FAM200B: variants seen among roughly 807,000 people sequenced by gnomAD.
FAM200B encodes the protein protein FAM200B.
In FAM200B, 32 loss-of-function variants were observed where a neutral mutation model predicts 33.1. That is an observed-to-expected ratio of 0.97 (90% CI 0.73 to 1.30). The LOEUF is 1.30. Among genes scored for constraint, FAM200B ranks in the 50% most tolerant of loss-of-function variants. FAM200B has a pLI of 0.00. For missense variants in FAM200B, 741 were observed against 754.0 expected (o/e 0.98, Z 0.20); for synonymous variants, 240 against 264.8 (o/e 0.91, Z 0.91).
chr4:15,679,298 C>T (rs918987449), upstream of FAM200B, among the ~76,000 whole-genome samples: 9 of 152,000 alleles, frequency 5.9e-5, no homozygotes, highest in Non-Finnish European at 8.8e-5. Flanking sequence ...ATGATCCACC[C>T]GCTTCGGCCT....
the FAM200B span, among the ~76,000 whole-genome samples, chr4:15,638,154 G>C: frequency 6.6e-6 from 1 of 152,138 alleles, no homozygotes; most frequent in Non-Finnish European, 1.5e-5. Flanking sequence ...GGATGATATC[G>C]CAAAAGTGCT....
At chr4:15,643,267 T>C in the FAM200B span, among the ~76,000 whole-genome samples, 4 of 152,354 alleles carry the variant, frequency 2.6e-5, no homozygotes, top group Admixed American at 2.6e-4. Flanking sequence ...TCTTTATCTT[T>C]AATCCATCCT....
At chr4:15,647,720 T>C in the FAM200B span, among the ~76,000 whole-genome samples, 1 of 152,200 alleles carries the variant, frequency 6.6e-6, no homozygotes, top group African/African-American at 2.4e-5. Context: ...CCTAGCACAG[T>C]AGTTAAAAGC....
the FAM200B span, among the ~76,000 whole-genome samples, chr4:15,645,893 T>G: frequency 1.3e-5 from 2 of 152,354 alleles, no homozygotes; most frequent in Non-Finnish European, 2.9e-5. Context: ...AAATATTTAC[T>G]GAGTAGCTAT....
At chr4:15,644,137 AAT>A in the FAM200B span, among the ~76,000 whole-genome samples, 1 of 152,184 alleles carries the variant, frequency 6.6e-6, no homozygotes, top group Non-Finnish European at 1.5e-5. Context: ...CTGATCCTTC[AAT>A]ATGTTACTAT....
chr4:15,640,713 T>C, the FAM200B span: 4 of 765,664 alleles, frequency 5.2e-6, no homozygotes, highest in South Asian at 1.9e-5. Flanking sequence ...ATGCATTATT[T>C]TGAAGAGTCT....
Position 15,688,596 on chromosome 4 carries a change from C to G in FAM200B, c.1619C>G (p.Pro540Arg). Residue 540 changes from proline to arginine, a missense_variant, in exon 2 of 2, where the codon CCA becomes CGA. Pro to Arg is a moderately radical substitution (Grantham distance 103, BLOSUM62 -2). Coordinates refer to ENST00000422728, the MANE Select transcript of FAM200B (RefSeq NM_001145191.2). ...AGGGAAAACAGTTGGGTAAAAGATCCATTTGCTTTTCGACACCCTGAATCA... is the reference window on the plus strand; with the variant it reads ...AGGGAAAACAGTTGGGTAAAAGATCGATTTGCTTTTCGACACCCTGAATCA... ...TLRENSWVKDPFAFRHPESII... is the reference protein window; with the variant it reads ...TLRENSWVKDRFAFRHPESII... 6.4e-7 allele frequency: 1 copy of G among 1,551,000 alleles called. No individual in the cohort carries two copies. The highest frequency in any genetic ancestry group is 8.7e-7 in the Non-Finnish European group (1 of 1,146,546).
chr4:15,664,825 C>G, the FAM200B span, among the ~76,000 whole-genome samples: 1 of 152,046 alleles, frequency 6.6e-6, no homozygotes, highest in Non-Finnish European at 1.5e-5. Flanking sequence ...TCCCAAAGTG[C>G]TGGGATTACA....
the FAM200B span, chr4:15,655,337 T>C: frequency 1.8e-5 from 24 of 1,308,834 alleles, no homozygotes; most frequent in Non-Finnish European, 1.9e-5. Flanking sequence ...CGCCTCTCCA[T>C]AGACACCCTC....
chr4:15,661,112 C>T, the FAM200B span, among the ~76,000 whole-genome samples: 15 of 151,970 alleles, frequency 9.9e-5, no homozygotes, highest in Admixed American at 6.6e-5. Flanking sequence ...TTTAACGAAT[C>T]ATTATTTTAT....
chr4:15,649,504 C>T, the FAM200B span, among the ~76,000 whole-genome samples: 1,575 of 147,208 alleles, frequency 0.011, 14 homozygotes, highest in Middle Eastern at 0.033. Flanking sequence ...TGCTTGAACC[C>T]GGGAGGCAGA....
At chr4:15,647,781 T>C in the FAM200B span, among the ~76,000 whole-genome samples, 21 of 152,320 alleles carry the variant, frequency 1.4e-4, no homozygotes, top group Non-Finnish European at 2.4e-4. Context: ...TACCAGCAAG[T>C]CATTACATTT....
In FAM200B at chr4:15,687,773, C is replaced by T. The variant is rs1371966688; in HGVS notation, c.796C>T (p.His266Tyr). The T allele has an allele frequency of 1.3e-6, 2 of 1,550,662 alleles. No homozygotes were observed. The highest frequency in any genetic ancestry group is 8.7e-7 in the Non-Finnish European group (1 of 1,146,502). ...DFLCFLNLTSHLSGLDIFTEL... is the reference protein window; with the variant it reads ...DFLCFLNLTSYLSGLDIFTEL... ...TTTGTGTTTTTTAAATTTAACCTCA[C>T]ACCTAAGTGGATTAGATATTTTTAC... Residue 266 changes from histidine to tyrosine, a missense_variant, in exon 2 of 2, where the codon CAC becomes TAC. Transcript: ENST00000422728.
At chr4:15,674,467 A>G in the FAM200B span, among the ~76,000 whole-genome samples, 1 of 152,082 alleles carries the variant, frequency 6.6e-6, no homozygotes, top group Non-Finnish European at 1.5e-5. Context: ...TTTTTATTAT[A>G]TTGTATTTAT....
the FAM200B span, among the ~76,000 whole-genome samples, chr4:15,662,678 A>T: frequency 1.1e-4 from 17 of 152,198 alleles, no homozygotes; most frequent in South Asian, 2.1e-4. Flanking sequence ...GTTTTTTTCA[A>T]TATCATTCTA....
At chr4:15,651,720 T>G in the FAM200B span, among the ~76,000 whole-genome samples, 1 of 152,218 alleles carries the variant, frequency 6.6e-6, no homozygotes, top group East Asian at 1.9e-4. Context: ...AATAAATGTA[T>G]AAATAAATTC....
chr4:15,638,717 G>C, the FAM200B span: 1 of 1,438,182 alleles, frequency 7.0e-7, no homozygotes, highest in Non-Finnish European at 9.6e-7. Context: ...AAATATTCAC[G>C]AGGAAAGATG....
chr4:15,646,304 T>C, the FAM200B span, among the ~76,000 whole-genome samples: 56 of 152,280 alleles, frequency 3.7e-4, no homozygotes, highest in African/African-American at 1.3e-3. Context: ...GTAAAAGTGA[T>C]GCTTGGCTCT....
Position 15,689,191 on chromosome 4 carries a change from A to G in FAM200B, c.*240A>G. ...TGAACAAAACAGGTAATTCCCTAGT[A>G]GAGTTTATATCCTGGCAAGGAGAAA... On this transcript the variant is annotated 3_prime_UTR_variant, in exon 2 of 2. Coordinates refer to ENST00000422728, the MANE Select transcript of FAM200B (RefSeq NM_001145191.2). 1 of 350,640 alleles carries G rather than the reference A, an allele frequency of 2.9e-6. No homozygotes were observed. Among genetic ancestry groups the G allele is most frequent in the African/African-American group, 2.1e-5 (1 of 47,380 alleles). 21.7% of individuals were successfully genotyped at this position (350,640 alleles called of 1,614,324 possible).
Sources: allele counts gnomAD v4.1 joint callset (sites outside exome capture counted in the v4.1 genomes callset), GRCh38; gene constraint gnomAD v4.1.1; transcripts MANE v1.5; gene names NCBI Gene and HGNC (gene_info 2026-07-23, HGNC 2026-07-21).